Variants in SLC22A25 observed in about 807,000 individuals in gnomAD.
The protein encoded by SLC22A25 is solute carrier family 22 member 25.
In SLC22A25, 44 loss-of-function variants were observed where a neutral mutation model predicts 45.9. The ratio of observed to expected loss-of-function variants is 0.96; its 90% CI spans 0.75 to 1.23. The LOEUF is 1.23. Ranked by LOEUF, SLC22A25 falls within the 50% of genes most tolerant of loss-of-function variation. The pLI, the probability that SLC22A25 is intolerant of heterozygous loss-of-function variation, is 0.00. For synonymous variants in SLC22A25, 283 were observed against 238.6 expected, an observed-to-expected ratio of 1.19 and a Z score of -1.72; for missense variants, 800 against 666.4, an observed-to-expected ratio of 1.20 and a Z score of -2.21.
chr11:63,194,573 A>G (rs896068095), intron 7 of SLC22A25, among the ~76,000 whole-genome samples: 1 of 152,142 alleles, frequency 6.6e-6, no homozygotes, highest in Non-Finnish European at 1.5e-5. Context: ...AGCACTAAAC[A>G]TGGAAAGGAA....
chr11:63,197,579 TG>T (rs1369589421), intron 7 of SLC22A25, among the ~76,000 whole-genome samples: 4 of 152,146 alleles, frequency 2.6e-5, no homozygotes, highest in African/African-American at 2.4e-5. Context: ...TAATTCAAGA[TG>T]GATTAAAGAC....
rs1037261664 is a variant in SLC22A25 at position 63,229,330 on chromosome 11, G to A, written c.323C>T (p.Thr108Met). 8.1e-6 allele frequency: 13 copies of A among 1,612,720 alleles called. No homozygotes were observed. The highest frequency in any genetic ancestry group is 1.7e-5 in the Admixed American group (1 of 59,968). The change falls in exon 4 of 12, where the codon ACG becomes ATG. Residue 108 changes from threonine to methionine, a missense_variant. Transcript: ENST00000306494. ...ACAGGGCTCTGTATCTGGCTCACTC[G>A]TGTTGGGGAAGGTCCCATTCAGATG... ...LIHLNGTFPN[T>M]SEPDTEPCVD... is the part of the protein sequence containing the mutation.
rs2087515628 is a variant in SLC22A25, at chr11:63,158,925, G to A, written c.*4899C>T. Among the ~76,000 whole-genome samples the A allele has an allele frequency of 6.6e-6, 1 of 152,024 alleles. No homozygotes were observed. The highest frequency in any genetic ancestry group is 1.5e-5 in the Non-Finnish European group (1 of 68,008). ...GCACCCAATACCCTTCTCAGCCTCT[G>A]GTAATCATCCTTCTCTCTCTATGTC... On this transcript the variant is annotated 3_prime_UTR_variant, in exon 12 of 12. Transcript: ENST00000306494.
chr11:63,172,226 T>C (rs773193112), intron 9 of SLC22A25, among the ~76,000 whole-genome samples: 2 of 152,142 alleles, frequency 1.3e-5, no homozygotes, highest in East Asian at 1.9e-4. Context: ...ATTTGGGACA[T>C]AGGCACAGGC....
chr11:63,207,949 G>A (rs117966610), intron 7 of SLC22A25, among the ~76,000 whole-genome samples: 1 of 152,182 alleles, frequency 6.6e-6, no homozygotes, highest in South Asian at 2.1e-4. Context: ...GGTAACTTAA[G>A]TCTTTGTTCA....
intron 7 of SLC22A25, among the ~76,000 whole-genome samples, chr11:63,186,316 G>C (rs1179288034): frequency 6.6e-6 from 1 of 151,280 alleles, no homozygotes; most frequent in African/African-American, 2.4e-5. Flanking sequence ...ATTTTTTCCT[G>C]TGTCTTTTGG....
At chr11:63,236,796 C>T (rs775256680) in intron 3 of SLC22A25, among the ~76,000 whole-genome samples, 3 of 152,142 alleles carry the variant, frequency 2.0e-5, no homozygotes, top group Non-Finnish European at 4.4e-5. Context: ...GCCATCTTGG[C>T]TCCACCCCCT....
In SLC22A25 at chr11:63,187,821, G is replaced by C. The variant is rs2088622026; in HGVS notation, c.831-4004C>G. On this transcript the variant is annotated intron_variant, in intron 7 of 11. Coordinates refer to ENST00000306494, the MANE Select transcript of SLC22A25 (RefSeq NM_199352.6). The stretch of plus-strand genomic sequence containing the variant: ...AGATAATCATGTGGTTTTTGTCATT[G>C]GTTCTCTTTATATGCTGGATTACAT... Among the ~76,000 whole-genome samples the C allele has an allele frequency of 2.6e-5, 4 of 152,224 alleles. No individual in the cohort carries two copies. The South Asian group carries it at 8.3e-4, about 32-fold the overall frequency.
intron 5 of SLC22A25, among the ~76,000 whole-genome samples, chr11:63,225,637 C>T (rs2089946277): frequency 6.6e-6 from 1 of 152,072 alleles, no homozygotes; most frequent in Non-Finnish European, 1.5e-5. Context: ...GCTTGATATC[C>T]TATGATTTTC....
chr11:63,165,037 T>G (rs1357155294), intron 10 of SLC22A25, among the ~76,000 whole-genome samples: 2 of 152,182 alleles, frequency 1.3e-5, no homozygotes, highest in East Asian at 3.8e-4. Flanking sequence ...CTCATAGATT[T>G]TAAAACCCAG....
At chr11:63,216,927 C>T (rs940245053) in intron 7 of SLC22A25, among the ~76,000 whole-genome samples, 2 of 152,074 alleles carry the variant, frequency 1.3e-5, no homozygotes, top group Non-Finnish European at 2.9e-5. Context: ...TTTTGGATAT[C>T]ATTACACTAA....
rs2087588950 is a variant in SLC22A25, at chr11:63,163,951, A to G, written c.1517T>C (p.Ile506Thr). The change falls in exon 12 of 12, where the codon ATC becomes ACC. Residue 506 changes from isoleucine to threonine, a missense_variant. Ile to Thr is a moderately conservative substitution (Grantham distance 89, BLOSUM62 -1). Coordinates refer to ENST00000306494, the MANE Select transcript of SLC22A25 (RefSeq NM_199352.6). ...GAGGAGGACAACAAGGCCAGAGAGG[A>G]TGGCAAAGACTCCATAGATGATCCA... ...LPWIIYGVFA[I>T]LSGLVVLLLP... 1 of 1,613,946 alleles carries G rather than the reference A, an allele frequency of 6.2e-7. No individual in the cohort carries two copies. The highest frequency in any genetic ancestry group is 8.5e-7 in the Non-Finnish European group (1 of 1,179,912).
chr11:63,175,825 G>GTATATATATATATATATATA (rs5792280), intron 9 of SLC22A25, among the ~76,000 whole-genome samples: 25 of 150,222 alleles, frequency 1.7e-4, no homozygotes, highest in African/African-American at 5.9e-4. Context: ...AATTGGGTGT[G>GTATATATATATATATATATA]TATATATATA....
At chr11:63,241,270 A>G (rs1333008397) in intron 1 of SLC22A25, among the ~76,000 whole-genome samples, 1 of 152,180 alleles carries the variant, frequency 6.6e-6, no homozygotes, top group Non-Finnish European at 1.5e-5. Flanking sequence ...GGCCCTTCAG[A>G]AAAGTCTGGA....
chr11:63,199,279 A>G (rs1000403557), intron 7 of SLC22A25, among the ~76,000 whole-genome samples: 7 of 152,208 alleles, frequency 4.6e-5, no homozygotes, highest in African/African-American at 1.7e-4. Flanking sequence ...GAACACCTCT[A>G]TGCACATAAA....
chr11:63,163,446 G>A lies in SLC22A25; in HGVS notation c.*378C>T, dbSNP rs2087571936. Among the ~76,000 whole-genome samples, 1 of 152,106 alleles carries A rather than the reference G, an allele frequency of 6.6e-6. No homozygotes were observed. Among genetic ancestry groups the A allele is most frequent in the Non-Finnish European group, 1.5e-5 (1 of 68,028 alleles). ...TCTCACAAATTCTTCAGTGTCCTGGGAGTCAGGCCTGTAAGCACTGGCAAT... is the reference window on the plus strand; with the variant it reads ...TCTCACAAATTCTTCAGTGTCCTGGAAGTCAGGCCTGTAAGCACTGGCAAT... On this transcript the variant is annotated 3_prime_UTR_variant, in exon 12 of 12. Coordinates refer to ENST00000306494, the MANE Select transcript of SLC22A25 (RefSeq NM_199352.6).
chr11:63,174,974 G>A (rs1453887318), intron 9 of SLC22A25, among the ~76,000 whole-genome samples: 1 of 151,900 alleles, frequency 6.6e-6, no homozygotes, highest in Non-Finnish European at 1.5e-5. Context: ...TCTTTCCATG[G>A]CTGACTAATA....
At chr11:63,221,033 C>G (rs528942509) in intron 5 of SLC22A25, among the ~76,000 whole-genome samples, 15 of 152,216 alleles carry the variant, frequency 9.9e-5, no homozygotes, top group Admixed American at 9.8e-4. Context: ...CTGTTGTGGA[C>G]ACTTAGGTTG....
At chr11:63,221,944 G>A (rs1364395519) in intron 5 of SLC22A25, among the ~76,000 whole-genome samples, 1 of 152,070 alleles carries the variant, frequency 6.6e-6, no homozygotes, top group Non-Finnish European at 1.5e-5. Context: ...CACTGTAGAT[G>A]TATGGATTTT....
Sources: allele counts gnomAD v4.1 joint callset (sites outside exome capture counted in the v4.1 genomes callset), GRCh38; gene constraint gnomAD v4.1.1; transcripts MANE v1.5; gene names NCBI Gene and HGNC (gene_info 2026-07-23, HGNC 2026-07-21).